The following PGM3 variants were observed in gnomAD, a reference collection of about 807,000 sequenced individuals.
The protein encoded by PGM3 is phosphoglucomutase 3, also known as phosphoacetylglucosamine mutase.
PGM3 carries 40 observed loss-of-function variants against 66.2 expected under a neutral mutation model. The observed-to-expected ratio is 0.60, with a 90% CI of 0.47 to 0.79. The LOEUF is 0.79. Ranked by LOEUF, PGM3 falls within the 30% of genes least tolerant of loss-of-function variation. PGM3 has a pLI of 0.00. For synonymous variants in PGM3, 191 were observed against 224.2 expected (o/e 0.85, Z 1.32); for missense variants, 537 against 643.4 (o/e 0.83, Z 1.79).
chr6:83,168,938 C>T lies in PGM3; in HGVS notation c.*296G>A. The stretch of plus-strand genomic sequence containing the variant: ...TAATAAGATTTAATTTTCCAGTAGC[C>T]TGCATGAATTGTTCCCCACATAAAA... On this transcript the variant is annotated 3_prime_UTR_variant, in exon 13 of 13. Coordinates refer to ENST00000513973, the MANE Select transcript of PGM3 (RefSeq NM_015599.3). 8.9e-7 allele frequency: 1 copy of T among 1,119,530 alleles called. No homozygotes were observed. The highest frequency in any genetic ancestry group is 1.1e-6 in the Non-Finnish European group (1 of 912,332). 69.3% of individuals were successfully genotyped at this position (1,119,530 alleles called of 1,614,324 possible).
chr6:83,156,940 T>C (rs1782935149), downstream of PGM3, among the ~76,000 whole-genome samples: 1 of 152,232 alleles, frequency 6.6e-6, no homozygotes, highest in South Asian at 2.1e-4. Flanking sequence ...GTAAACATTT[T>C]AAACTTTTAT....
In PGM3 at chr6:83,176,080, A is replaced by T. The variant is rs1384358496; in HGVS notation, c.1030-20T>A. ...AGGTACCTATAACACATGCATTTAA[A>T]GAAATACAGCAATTACTCAGATGTC... On this transcript the variant is annotated intron_variant, in intron 8 of 12. Coordinates refer to ENST00000513973, the MANE Select transcript of PGM3 (RefSeq NM_015599.3). 7.8e-7 allele frequency: 1 copy of T among 1,287,990 alleles called. No individual in the cohort carries two copies. Among genetic ancestry groups the T allele is most frequent in the South Asian group, 1.2e-5 (1 of 84,016 alleles). 79.8% of individuals were successfully genotyped at this position (1,287,990 alleles called of 1,614,324 possible).
the PGM3 span, chr6:83,153,464 G>A: frequency 8.0e-7 from 1 of 1,257,594 alleles, no homozygotes; most frequent in Middle Eastern, 1.9e-4. Flanking sequence ...TTGGGATGAT[G>A]TCAGTTTCAC....
intron 11 of PGM3, among the ~76,000 whole-genome samples, chr6:83,171,600 C>G (rs897099048): frequency 6.6e-6 from 1 of 152,164 alleles, no homozygotes; most frequent in South Asian, 2.1e-4. Context: ...AAGTGATTCT[C>G]CTGCCTCAGC....
chr6:83,159,592 A>G (rs1029863645), downstream of PGM3: 4 of 622,110 alleles, frequency 6.4e-6, no homozygotes, highest in South Asian at 5.9e-5. Context: ...CGCCCAGTCT[A>G]TGTACTGTTT....
chr6:83,187,250 T>C (rs950062605), intron 3 of PGM3, among the ~76,000 whole-genome samples, 175 bp from the exon 4 acceptor site: 1 of 152,192 alleles, frequency 6.6e-6, no homozygotes, highest in East Asian at 1.9e-4. Context: ...CATTTTCCAG[T>C]AGCCTTTCAC....
At chr6:83,173,193 T>A (rs1304838478) in intron 10 of PGM3, among the ~76,000 whole-genome samples, 5 of 152,248 alleles carry the variant, frequency 3.3e-5, no homozygotes, top group Admixed American at 6.5e-5. Flanking sequence ...GCCTATATCA[T>A]GTGCTTTCTC....
At chr6:83,185,194 C>A (rs1260223136) in intron 4 of PGM3, among the ~76,000 whole-genome samples, 4 of 152,186 alleles carry the variant, frequency 2.6e-5, no homozygotes, top group Non-Finnish European at 5.9e-5. Flanking sequence ...CAGACCAATG[C>A]TTTACAAACT....
chr6:83,168,543 G>A lies in PGM3; in HGVS notation c.*691C>T. 1.0e-6 allele frequency: 1 copy of A among 1,002,654 alleles called. No individual in the cohort carries two copies. Among genetic ancestry groups the A allele is most frequent in the Non-Finnish European group, 1.2e-6 (1 of 841,082 alleles). 62.1% of individuals were successfully genotyped at this position (1,002,654 alleles called of 1,614,324 possible). ...TCTTTTCCTTATTAACCATGTTCTG[G>A]TATCAGAATGGTGTTCCTTCTCCAT... On this transcript the variant is annotated 3_prime_UTR_variant, in exon 13 of 13. Coordinates refer to ENST00000513973, the MANE Select transcript of PGM3 (RefSeq NM_015599.3).
At position 83,188,818 on chromosome 6, in the gene PGM3, A is replaced by G; in HGVS notation, c.205-20T>C. ...GTCTTCCTTAAAAGAAAAACAAACA[A>G]TAAGCAATCTGTGCATACTCATGAG... On this transcript the variant is annotated intron_variant, in intron 2 of 12. Transcript: ENST00000513973. 6.2e-7 allele frequency: 1 copy of G among 1,607,902 alleles called. No individual in the cohort carries two copies. The highest frequency in any genetic ancestry group is 8.5e-7 in the Non-Finnish European group (1 of 1,174,776).
At chr6:83,180,692 A>G (rs1475725920) in intron 6 of PGM3, among the ~76,000 whole-genome samples, 1 of 152,220 alleles carries the variant, frequency 6.6e-6, no homozygotes, top group Non-Finnish European at 1.5e-5. Flanking sequence ...GAGCATAGAG[A>G]GTAAGAGCTC....
At chr6:83,159,566 C>G (rs1002203792), downstream of PGM3, among the ~76,000 whole-genome samples, 1 of 152,180 alleles carries the variant, frequency 6.6e-6, no homozygotes, top group Non-Finnish European at 1.5e-5. Flanking sequence ...GCTGGGATTA[C>G]AGGCAGAAGC....
chr6:83,170,244 A>C, intron 12 of PGM3, 61 bp downstream of exon 12: 1 of 1,478,218 alleles, frequency 6.8e-7, no homozygotes, highest in Non-Finnish European at 9.4e-7. Context: ...AACCATTAAA[A>C]TAGTTTGCCT....
intron 4 of PGM3, among the ~76,000 whole-genome samples, chr6:83,183,648 G>T (rs73749733): frequency 0.028 from 4,214 of 152,254 alleles, 212 homozygotes; most frequent in African/African-American, 0.096. Flanking sequence ...CATTCTTGAA[G>T]AGCTGTTACC....
intron 5 of PGM3, 23 bp from the exon 6 acceptor site, chr6:83,181,954 G>A: frequency 6.7e-7 from 1 of 1,500,206 alleles, no homozygotes; most frequent in East Asian, 2.3e-5. Context: ...AAGACACATG[G>A]AAGAAAAATT....
intron 4 of PGM3, among the ~76,000 whole-genome samples, chr6:83,184,065 C>A (rs1011903394): frequency 1.1e-4 from 16 of 152,184 alleles, no homozygotes; most frequent in African/African-American, 3.9e-4. Flanking sequence ...AGGTACCCAG[C>A]AGAAGCCAGA....
At chr6:83,179,700 A>C in intron 7 of PGM3, 110 bp downstream of exon 7, 1 of 790,360 alleles carries the variant, frequency 1.3e-6, no homozygotes, top group South Asian at 2.3e-5. Flanking sequence ...TCTGCCCACT[A>C]ATGTAAAGAA....
chr6:83,149,829 A>C, the PGM3 span, among the ~76,000 whole-genome samples: 6 of 152,212 alleles, frequency 3.9e-5, no homozygotes, highest in East Asian at 1.2e-3. Flanking sequence ...GAAGAAAACC[A>C]GGCATTTGAT....
At chr6:83,151,721 A>G in the PGM3 span, 6,163 of 1,514,598 alleles carry the variant, frequency 4.1e-3, 16 homozygotes, top group Non-Finnish European at 4.9e-3. Flanking sequence ...TGAAAATGAG[A>G]GAGTCAAATA....
Sources: gnomAD v4.1 joint callset for allele counts (sites outside exome capture counted in the v4.1 genomes callset) on GRCh38, gnomAD v4.1.1 for gene constraint, MANE v1.5 for transcripts, NCBI Gene and HGNC (gene_info 2026-07-23, HGNC 2026-07-21) for gene names.